UBXN6: variants seen among roughly 807,000 people sequenced by gnomAD.
The protein encoded by UBXN6 is UBX domain protein 6.
Under a neutral mutation model 51.4 loss-of-function variants are expected in UBXN6, and 44 were observed. The ratio of observed to expected loss-of-function variants is 0.86; its 90% CI spans 0.67 to 1.10. UBXN6 has a LOEUF of 1.10. Ranked by LOEUF, UBXN6 falls within the 50% of genes least tolerant of loss-of-function variation. The pLI is 0.00. For missense variants in UBXN6, 672 were observed against 596.1 expected (o/e 1.13, Z -1.32); for synonymous variants, 316 against 263.2 (o/e 1.20, Z -1.94).
chr19:4,455,320 G>A lies in UBXN6; in HGVS notation c.84-1227C>T, dbSNP rs529635861. 2.1e-5 allele frequency: 21 copies of A among 985,116 alleles called. No homozygotes were observed. The South Asian group carries it at 5.2e-4, about 24-fold the overall frequency. The allele number at this position is 985,116 out of a possible 1,614,324, so 61.0% of individuals were successfully genotyped here. ...CTCCTCTGGCTCTGCTTACATACCCGGGCAGCCCTCCCTCCTCGTCCCACC... is the reference window on the plus strand; with the variant it reads ...CTCCTCTGGCTCTGCTTACATACCCAGGCAGCCCTCCCTCCTCGTCCCACC... On this transcript the variant is annotated intron_variant, in intron 1 of 10. Transcript: ENST00000301281.
In UBXN6 at chr19:4,446,758, A is replaced by G. The variant is rs771603858; in HGVS notation, c.701-39T>C. ...GGACATGGGTGTCACTGTGCAATGGAGAGACCCCCAAGCCGGGCCCTCCTG... is the reference window on the plus strand; with the variant it reads ...GGACATGGGTGTCACTGTGCAATGGGGAGACCCCCAAGCCGGGCCCTCCTG... On this transcript the variant is annotated intron_variant, in intron 7 of 10. Coordinates refer to ENST00000301281, the MANE Select transcript of UBXN6 (RefSeq NM_025241.3). The G allele has an allele frequency of 2.0e-5, 33 of 1,611,428 alleles. No homozygotes were observed. In the East Asian group the frequency reaches 6.7e-4, roughly 33 times the overall value.
intron 1 of UBXN6, 138 bp downstream of exon 1, chr19:4,457,477 T>G (rs1974755480): frequency 3.8e-6 from 1 of 262,528 alleles, no homozygotes; most frequent in Non-Finnish European, 5.2e-6. Flanking sequence ...CCCCGGCGCC[T>G]CTCCCCCTCC....
rs1371873524 is a variant in UBXN6, at chr19:4,457,705, G to A, written c.-8C>T. ...CTGAAAGAATTTCTTCATGGTGGCG[G>A]CTGGCCCGGCGGCGGGGGGCCGCGG... On this transcript the variant is annotated 5_prime_UTR_variant, in exon 1 of 11. Coordinates refer to ENST00000301281, the MANE Select transcript of UBXN6 (RefSeq NM_025241.3). 3 of 1,546,430 alleles carry A rather than the reference G, an allele frequency of 1.9e-6. No individual in the cohort carries two copies. Among genetic ancestry groups the A allele is most frequent in the South Asian group, 2.4e-5 (2 of 84,224 alleles).
intron 4 of UBXN6, among the ~76,000 whole-genome samples, chr19:4,451,284 C>G (rs754169051): frequency 2.6e-5 from 4 of 152,146 alleles, no homozygotes; most frequent in Non-Finnish European, 4.4e-5. Context: ...CTTGGAACTT[C>G]TGACCTCAGG....
In UBXN6 at chr19:4,457,635, C is replaced by G; in HGVS notation, c.63G>C (p.Gln21His). 6.2e-7 allele frequency: 1 copy of G among 1,601,328 alleles called. No individual in the cohort carries two copies. The highest frequency in any genetic ancestry group is 8.5e-7 in the Non-Finnish European group (1 of 1,175,082). ...CGCACCCCACGGACTCTTTGAGCTT[C>G]TGACCGGGTCCCGCGCTCTTGAACT... The part of the protein sequence containing the change: ...DIKFKSAGPG[Q>H]KLKESVGEKA... Residue 21 changes from glutamine to histidine, a missense_variant, in exon 1 of 11, where the codon CAG (glutamine) becomes CAC (histidine). Gln to His is a conservative substitution (Grantham distance 24). Transcript: ENST00000301281.
At chr19:4,456,950 C>G (rs1297498729) in intron 1 of UBXN6, among the ~76,000 whole-genome samples, 2 of 152,120 alleles carry the variant, frequency 1.3e-5, no homozygotes, top group Non-Finnish European at 2.9e-5. Flanking sequence ...ACTGACGACG[C>G]TGCCCACCCC....
chr19:4,445,636 T>C lies in UBXN6; in HGVS notation c.1201-13A>G. On this transcript the variant is annotated splice_polypyrimidine_tract_variant and intron_variant, in intron 10 of 10. Coordinates refer to ENST00000301281, the MANE Select transcript of UBXN6 (RefSeq NM_025241.3). Reference sequence around the variant, plus strand: ...GGGCAGAGGGCACCTGCGGTAGGGGTAGGCCGTCACTCTGAGACCGAGAGT... The same window carrying C: ...GGGCAGAGGGCACCTGCGGTAGGGGCAGGCCGTCACTCTGAGACCGAGAGT... 1 of 1,610,814 alleles carries C rather than the reference T, an allele frequency of 6.2e-7. No individual in the cohort carries two copies. The highest frequency in any genetic ancestry group is 1.1e-5 in the South Asian group (1 of 91,016).
rs747474407 is a variant in UBXN6, at chr19:4,445,456, A to G, written c.*42T>C. On this transcript the variant is annotated 3_prime_UTR_variant, in exon 11 of 11. Coordinates refer to ENST00000301281, the MANE Select transcript of UBXN6 (RefSeq NM_025241.3). ...TGGCGGGGAGAGGAACAGGGAGAGC[A>G]TGAGACAGACCCACAGGGCTGAGGC... 1.2e-6 allele frequency: 2 copies of G among 1,612,402 alleles called. No individual in the cohort carries two copies. Among genetic ancestry groups the G allele is most frequent in the South Asian group, 1.1e-5 (1 of 91,022 alleles).
At position 4,446,264 on chromosome 19, in the gene UBXN6, G is replaced by T; in HGVS notation, c.1051+19C>A. 1 of 1,567,898 alleles carries T rather than the reference G, an allele frequency of 6.4e-7. No individual in the cohort carries two copies. The highest frequency in any genetic ancestry group is 8.6e-7 in the Non-Finnish European group (1 of 1,160,300). On this transcript the variant is annotated intron_variant, in intron 9 of 10. Transcript: ENST00000301281. The stretch of plus-strand genomic sequence containing the variant: ...CCTACCAACCCGAGCCGCCCTCCAC[G>T]GGCATCGTTGGTGCCCACCCTGCAG...
intron 4 of UBXN6, among the ~76,000 whole-genome samples, chr19:4,451,346 C>T (rs1416265477): frequency 1.3e-5 from 2 of 152,168 alleles, no homozygotes; most frequent in Admixed American, 6.5e-5. Flanking sequence ...GCAAGAGCCA[C>T]CGCGCCCAGC....
rs765840168 is a variant in UBXN6, at chr19:4,453,493, C to T, written c.277G>A (p.Val93Ile). The T allele has an allele frequency of 3.2e-5, 51 of 1,613,778 alleles. No individual in the cohort carries two copies. Among genetic ancestry groups the T allele is most frequent in the Middle Eastern group, 1.6e-4 (1 of 6,084 alleles). Residue 93 changes from valine (V) to isoleucine (I), a missense_variant, in exon 3 of 11, where the codon GTC (valine) becomes ATC (isoleucine). Transcript: ENST00000301281. ...VRKELQAEAT[V>I]SGSPEAPGTN... Reference sequence around the variant, plus strand: ...CCTGGGGCCTCGGGGCTCCCGCTGACGGTGGCTTCGGCTTGAAGTTCCTTT... The same window carrying T: ...CCTGGGGCCTCGGGGCTCCCGCTGATGGTGGCTTCGGCTTGAAGTTCCTTT...
chr19:4,455,618 A>G (rs1216196728), intron 1 of UBXN6, among the ~76,000 whole-genome samples: 4 of 152,160 alleles, frequency 2.6e-5, no homozygotes, highest in African/African-American at 9.6e-5. Flanking sequence ...AGCCCTTCCC[A>G]GCCTGGCCCA....
chr19:4,448,216 C>T (rs1974579206), intron 5 of UBXN6, 102 bp downstream of exon 5: 1 of 1,095,234 alleles, frequency 9.1e-7, no homozygotes, highest in African/African-American at 1.5e-5. Context: ...CCCAACCCAC[C>T]TCAGCAGGTA....
rs1974533516 is a variant in UBXN6, at chr19:4,446,647, TC to T, written c.772del (p.Glu258AsnfsTer57). ...CACGGGCTCCGCAGCCAGCAGCTGT[TC>T]CTTGTGCCTCTCCAGGCTCTGGGGC... ...AQPQSLERHK[E>X]QLLAAEPVRA... is the part of the protein sequence containing the mutation. On this transcript the variant is annotated frameshift_variant, in exon 8 of 11. Transcript: ENST00000301281. LOFTEE classifies it high-confidence loss of function. 6.2e-7 allele frequency: 1 copy of T among 1,612,458 alleles called. No homozygotes were observed.
At chr19:4,450,758 C>CAAAAAAAAAA (rs58900477) in intron 4 of UBXN6, 3 of 43,800 alleles carry the variant, frequency 6.8e-5, no homozygotes, top group Admixed American at 4.2e-4. Context: ...GACTCTGTCT[C>CAAAAAAAAAA]AAAAAAAAAA....
Position 4,445,257 on chromosome 19 carries a change from T to G in UBXN6, c.*241A>C. On this transcript the variant is annotated 3_prime_UTR_variant, in exon 11 of 11. Transcript: ENST00000301281. ...AGTTACCAAGCAGCTAGGGAGGGCTTAGATTTGTTGGTGTCCCCAGGCCTC... is the reference window on the plus strand; with the variant it reads ...AGTTACCAAGCAGCTAGGGAGGGCTGAGATTTGTTGGTGTCCCCAGGCCTC... 5 of 531,372 alleles carry G rather than the reference T, an allele frequency of 9.4e-6. No individual in the cohort carries two copies. Among genetic ancestry groups the G allele is most frequent in the Non-Finnish European group, 3.3e-6 (1 of 302,050 alleles). 32.9% of individuals were successfully genotyped at this position (531,372 alleles called of 1,614,324 possible). A position where few individuals can be genotyped will look rare whatever the true frequency, so the allele number is the denominator to read the frequency against.
rs1463165450 is a variant in UBXN6 at position 4,457,646 on chromosome 19, C to T, written c.52G>A (p.Gly18Arg). 3.7e-6 allele frequency: 6 copies of T among 1,603,268 alleles called. No homozygotes were observed. Among genetic ancestry groups the T allele is most frequent in the Non-Finnish European group, 5.1e-6 (6 of 1,175,964 alleles). The change falls in exon 1 of 11, where the codon GGA (glycine) becomes AGA (arginine). Residue 18 changes from glycine to arginine, a missense_variant. Coordinates refer to ENST00000301281, the MANE Select transcript of UBXN6 (RefSeq NM_025241.3). ...FKADIKFKSA[G>R]PGQKLKESVG... Reference sequence around the variant, plus strand: ...GACTCTTTGAGCTTCTGACCGGGTCCCGCGCTCTTGAACTTGATGTCGGCC... The same window carrying T: ...GACTCTTTGAGCTTCTGACCGGGTCTCGCGCTCTTGAACTTGATGTCGGCC...
At chr19:4,447,127 GAA>G (rs1292818011) in intron 6 of UBXN6, 1 of 607,372 alleles carries the variant, frequency 1.6e-6, no homozygotes, top group East Asian at 2.7e-5. Context: ...CTGCACAGAG[GAA>G]AGAGTCACAA....
intron 4 of UBXN6, chr19:4,448,640 CCCCTT>C (rs1215483339): frequency 5.2e-6 from 3 of 573,114 alleles, no homozygotes; most frequent in East Asian, 5.8e-5. Context: ...ACTCAAGTCT[CCCCTT>C]CCGCCTTCTC....
Sources: gnomAD v4.1 joint callset for allele counts (sites outside exome capture counted in the v4.1 genomes callset) on GRCh38, gnomAD v4.1.1 for gene constraint, MANE v1.5 for transcripts, NCBI Gene and HGNC (gene_info 2026-07-23, HGNC 2026-07-21) for gene names.